The following IHO1 variants were observed in gnomAD, a reference collection of about 807,000 sequenced individuals.
IHO1 encodes interactor of HORMAD1 protein 1.
A neutral mutation model predicts 31.0 loss-of-function variants in IHO1; 13 were observed. The ratio of observed to expected loss-of-function variants is 0.42; its 90% CI spans 0.27 to 0.67. The LOEUF (loss-of-function observed/expected upper bound fraction) is 0.67, where lower values mean the gene tolerates loss of function less well. Ranked by LOEUF, IHO1 falls within the 30% of genes least tolerant of loss-of-function variation. The probability of loss-of-function intolerance (pLI) is 0.24; values close to 1 mark genes in which losing one functional copy is unlikely to be tolerated. For missense variants in IHO1, 599 were observed against 687.5 expected, an observed-to-expected ratio of 0.87 and a Z score of 1.44; for synonymous variants, 221 against 248.4, an observed-to-expected ratio of 0.89 and a Z score of 1.04.
chr3:49,235,154 A>G (rs1384779754), intron 2 of IHO1, among the ~76,000 whole-genome samples: 4 of 151,668 alleles, frequency 2.6e-5, no homozygotes, highest in Admixed American at 1.3e-4. Flanking sequence ...GGCCAAGTTC[A>G]TCCAATTTTT....
chr3:49,235,022 T>C (rs185421699), intron 2 of IHO1, among the ~76,000 whole-genome samples: 1,586 of 151,876 alleles, frequency 0.01, 11 homozygotes, highest in Non-Finnish European at 0.018. Flanking sequence ...AATTTTTGTA[T>C]TTTTAGTAGA....
intron 2 of IHO1, among the ~76,000 whole-genome samples, chr3:49,221,400 C>G (rs2046354328): frequency 6.6e-6 from 1 of 152,150 alleles, no homozygotes; most frequent in African/African-American, 2.4e-5. Flanking sequence ...CATTTACAAT[C>G]CTTTAGCTAG....
chr3:49,201,020 G>A (rs2046062958), intron 1 of IHO1, among the ~76,000 whole-genome samples: 1 of 151,498 alleles, frequency 6.6e-6, no homozygotes, highest in African/African-American at 2.4e-5. Context: ...TTGAGACGGA[G>A]TCTCGCTTTG....
chr3:49,221,851 C>T (rs557678639), intron 2 of IHO1, among the ~76,000 whole-genome samples: 7 of 152,342 alleles, frequency 4.6e-5, no homozygotes, highest in East Asian at 3.9e-4. Flanking sequence ...GAAGCCTTGT[C>T]GCCCAACTCC....
upstream of IHO1, among the ~76,000 whole-genome samples, chr3:49,193,745 C>T (rs1358984610): frequency 2.7e-5 from 4 of 148,516 alleles, no homozygotes; most frequent in Admixed American, 1.4e-4. Flanking sequence ...GGGTGGATCA[C>T]GAGGTTAGCA....
At chr3:49,250,326 T>C (rs35174559) in intron 6 of IHO1, among the ~76,000 whole-genome samples, 91,532 of 152,028 alleles carry the variant, frequency 0.6, 28,925 homozygotes, top group East Asian at 0.95. Context: ...AGAAAAAATA[T>C]GGATAGACTT....
chr3:49,221,924 C>T (rs146298025), intron 2 of IHO1, among the ~76,000 whole-genome samples: 4 of 152,260 alleles, frequency 2.6e-5, no homozygotes, highest in Non-Finnish European at 5.9e-5. Flanking sequence ...CTATAAACGC[C>T]GGGTGGCATC....
intron 2 of IHO1, among the ~76,000 whole-genome samples, chr3:49,215,618 ACCAAG>A (rs1347052231): frequency 6.6e-6 from 1 of 152,206 alleles, no homozygotes; most frequent in Non-Finnish European, 1.5e-5. Flanking sequence ...GAGGAGTATT[ACCAAG>A]GAAGAAGGCT....
intron 2 of IHO1, among the ~76,000 whole-genome samples, chr3:49,220,606 T>A (rs1443236657): frequency 6.6e-6 from 1 of 152,194 alleles, no homozygotes; most frequent in Non-Finnish European, 1.5e-5. Flanking sequence ...TGGTGGCTCA[T>A]GACTGTAATC....
intron 2 of IHO1, among the ~76,000 whole-genome samples, chr3:49,229,374 T>G (rs1456031456): frequency 1.3e-5 from 2 of 152,190 alleles, no homozygotes; most frequent in African/African-American, 2.4e-5. Flanking sequence ...TAGATCTACT[T>G]TAAATTTAAA....
chr3:49,232,142 C>T (rs1182204267), intron 2 of IHO1, among the ~76,000 whole-genome samples: 3 of 152,194 alleles, frequency 2.0e-5, no homozygotes, highest in Non-Finnish European at 4.4e-5. Context: ...CCAGGCTGTA[C>T]TAGCCAAGCT....
At chr3:49,251,930 CAA>C (rs2046765541) in intron 6 of IHO1, among the ~76,000 whole-genome samples, 1 of 151,884 alleles carries the variant, frequency 6.6e-6, no homozygotes. Flanking sequence ...GAGATTATAT[CAA>C]GAGATTCTCC....
chr3:49,224,278 T>C (rs1470970063), intron 2 of IHO1, among the ~76,000 whole-genome samples: 1 of 152,192 alleles, frequency 6.6e-6, no homozygotes, highest in Non-Finnish European at 1.5e-5. Flanking sequence ...TAGGTATTTC[T>C]AATGGGAGGT....
At chr3:49,219,862 G>A (rs967487022) in intron 2 of IHO1, among the ~76,000 whole-genome samples, 4 of 152,208 alleles carry the variant, frequency 2.6e-5, no homozygotes, top group African/African-American at 7.2e-5. Context: ...TGATGAGGAG[G>A]AAGGAAAGTA....
At chr3:49,217,500 G>A (rs2046303776) in intron 2 of IHO1, among the ~76,000 whole-genome samples, 1 of 148,138 alleles carries the variant, frequency 6.8e-6, no homozygotes, top group East Asian at 2.0e-4. Context: ...TGGGGGGCTG[G>A]GGGGCTGGGG....
At position 49,256,392 on chromosome 3, in the gene IHO1, G is replaced by A. The variant is rs1362220448; in HGVS notation, c.895G>A (p.Ala299Thr). Residue 299 changes from alanine (A) to threonine (T), a missense_variant, in exon 8 of 8, where the codon GCC becomes ACC. Transcript: ENST00000452691. This position sits in a 1 kb window ranked among gnomAD's most constrained non-coding sequence, Gnocchi z 4.6. ...YTSEKPVLWQ[A>T]QALPAAWNPG... ...CTCTGAGAAACCAGTTTTATGGCAGGCCCAGGCCCTCCCTGCTGCATGGAA... is the reference window on the plus strand; with the variant it reads ...CTCTGAGAAACCAGTTTTATGGCAGACCCAGGCCCTCCCTGCTGCATGGAA... The A allele has an allele frequency of 6.2e-7, 1 of 1,614,136 alleles. No individual in the cohort carries two copies. The highest frequency in any genetic ancestry group is 8.5e-7 in the Non-Finnish European group (1 of 1,180,024).
intron 2 of IHO1, among the ~76,000 whole-genome samples, chr3:49,217,978 A>G (rs1010297145): frequency 1.3e-5 from 2 of 152,206 alleles, no homozygotes; most frequent in South Asian, 4.1e-4. Flanking sequence ...GTGGGTGGAT[A>G]AGCAGAAAGA....
Position 49,256,262 on chromosome 3 carries a change from AG to A in IHO1, c.766del (p.Glu256SerfsTer2). 1 of 1,614,218 alleles carries A rather than the reference AG, an allele frequency of 6.2e-7. No individual in the cohort carries two copies. The highest frequency in any genetic ancestry group is 8.5e-7 in the Non-Finnish European group (1 of 1,180,038). On this transcript the variant is annotated frameshift_variant, in exon 8 of 8. Coordinates refer to ENST00000452691, the MANE Select transcript of IHO1 (RefSeq NM_001135197.2). LOFTEE classifies it low-confidence loss of function (END_TRUNC). The surrounding 1 kb of genome is among the most constrained non-coding windows in gnomAD (Gnocchi z 4.6). ...AGCTGAATGTGCCCAGTGTCCTAGC[AG>A]AGCTGAAGAGATTGATCTCAGTGCC... ...GQLNVPSVLA[E>X]LKRLISVPPV...
intron 1 of IHO1, among the ~76,000 whole-genome samples, chr3:49,204,330 A>G (rs922973655): frequency 1.3e-5 from 2 of 152,258 alleles, no homozygotes; most frequent in Admixed American, 1.3e-4. Context: ...CCAGTTTTTC[A>G]TATATACTAG....
Sources: gnomAD v4.1 joint callset for allele counts (sites outside exome capture counted in the v4.1 genomes callset) on GRCh38, gnomAD v4.1.1 for gene constraint, Gnocchi (gnomAD v3.1) non-coding constraint, MANE v1.5 for transcripts, NCBI Gene and HGNC (gene_info 2026-07-23, HGNC 2026-07-21) for gene names.